Variants in COL27A1 observed in about 807,000 individuals in gnomAD.
COL27A1 encodes collagen alpha-1(XXVII) chain.
Under a neutral mutation model 251.3 loss-of-function variants are expected in COL27A1, and 106 were observed. That is an observed-to-expected ratio of 0.42 (90% CI 0.36 to 0.50). COL27A1 has a LOEUF of 0.50. Ranked by LOEUF, COL27A1 falls within the 20% of genes least tolerant of loss-of-function variation. The pLI is 0.00. For synonymous variants in COL27A1, 1,000 were observed against 986.3 expected, an observed-to-expected ratio of 1.01 and a Z score of -0.26; for missense variants, 2,325 against 2,522.8, an observed-to-expected ratio of 0.92 and a Z score of 1.68.
At chr9:114,179,832 CTTTTTT>C (rs139712391) in intron 4 of COL27A1, among the ~76,000 whole-genome samples, 26 of 100,182 alleles carry the variant, frequency 2.6e-4, no homozygotes, top group Non-Finnish European at 3.9e-4. Flanking sequence ...AGCCTACCAT[CTTTTTT>C]TTTTTTTTTT....
chr9:114,168,669 C>T lies in COL27A1; in HGVS notation c.1114C>T (p.Pro372Ser). ...AATCCCCAAAAGCCTCCCTACCAAG[C>T]CTTCGGCCCCTTCTACTTCAATTGT... ...TKIPKSLPTK[P>S]SAPSTSIVPI... The change falls in exon 3 of 61, where the codon CCT becomes TCT. Residue 372 changes from proline to serine, a missense_variant. Pro to Ser is a moderately conservative substitution (Grantham distance 74). Transcript: ENST00000356083. The T allele has an allele frequency of 3.1e-6, 5 of 1,614,176 alleles. No individual in the cohort carries two copies. The South Asian group carries it at 4.4e-5, about 14-fold the overall frequency.
chr9:114,163,865 G>C (rs933177822), intron 2 of COL27A1, among the ~76,000 whole-genome samples: 31 of 148,604 alleles, frequency 2.1e-4, no homozygotes, highest in Non-Finnish European at 4.2e-4. Flanking sequence ...GGCGGGGGGC[G>C]GGGGGAGAGG....
At chr9:114,310,475 G>A in intron 60 of COL27A1, 74 bp from the exon 61 acceptor site, 1 of 1,541,686 alleles carries the variant, frequency 6.5e-7, no homozygotes, top group Admixed American at 1.7e-5. Context: ...GAGGAAAGAT[G>A]GAAGGGAAAA....
intron 24 of COL27A1, among the ~76,000 whole-genome samples, chr9:114,249,772 C>T (rs1833397156): frequency 6.6e-6 from 1 of 152,212 alleles, no homozygotes; most frequent in Admixed American, 6.5e-5. Flanking sequence ...ACTCATCCCT[C>T]CATCTTTCCT....
chr9:114,296,531 A>C (rs1043418091), intron 49 of COL27A1, among the ~76,000 whole-genome samples: 17 of 152,256 alleles, frequency 1.1e-4, no homozygotes, highest in African/African-American at 3.4e-4. Context: ...AAAATAGTGA[A>C]GAGTTTTAAA....
At chr9:114,308,160 C>T (rs760180455) in intron 59 of COL27A1, among the ~76,000 whole-genome samples, 4 of 152,224 alleles carry the variant, frequency 2.6e-5, no homozygotes, top group Non-Finnish European at 5.9e-5. Context: ...TATGCGAATA[C>T]TTAACTCATG....
intron 27 of COL27A1, among the ~76,000 whole-genome samples, chr9:114,255,107 G>T (rs973055022): frequency 6.6e-6 from 1 of 152,192 alleles, no homozygotes; most frequent in Non-Finnish European, 1.5e-5. Context: ...CAGCACTCTG[G>T]GCTCCCAGTG....
At chr9:114,301,493 CGGGGCGT>C in intron 54 of COL27A1, 31 bp downstream of exon 54, 1 of 501,062 alleles carries the variant, frequency 2.0e-6, no homozygotes. Flanking sequence ...GGCTGTGGGG[CGGGGCGT>C]GGGGCGGGCA....
intron 17 of COL27A1, among the ~76,000 whole-genome samples, chr9:114,236,509 C>T (rs1249718): frequency 0.67 from 101,987 of 152,078 alleles, 35,268 homozygotes; most frequent in South Asian, 0.84. Flanking sequence ...TGCCTGTGTC[C>T]GGCATCATGT....
Position 114,228,692 on chromosome 9 carries a change from T to C in COL27A1, c.2467-2387T>C, listed in dbSNP as rs75331572. On this transcript the variant is annotated intron_variant, in intron 14 of 60. Coordinates refer to ENST00000356083, the MANE Select transcript of COL27A1 (RefSeq NM_032888.4). ...TTCATGGGCTGTGGTGAGGAATTAC[T>C]GGGTTAAAGCACGTCAAGTGCTTAG... 1.2e-4 allele frequency among the ~76,000 whole-genome samples: 18 copies of C among 152,378 alleles called. No individual in the cohort carries two copies. In the East Asian group the frequency reaches 3.3e-3, roughly 28 times the overall value.
chr9:114,161,783 A>T (rs985495699), intron 1 of COL27A1, among the ~76,000 whole-genome samples: 2 of 152,196 alleles, frequency 1.3e-5, no homozygotes, highest in African/African-American at 2.4e-5. Flanking sequence ...TCCCACAGGA[A>T]GGTGAAATTG....
At chr9:114,207,239 T>C (rs1418766313) in intron 10 of COL27A1, among the ~76,000 whole-genome samples, 1 of 152,162 alleles carries the variant, frequency 6.6e-6, no homozygotes, top group African/African-American at 2.4e-5. Context: ...ACAGAACAGT[T>C]GCAGTCTCAG....
rs1460065174 is a variant in COL27A1, at chr9:114,243,517, G to T, written c.2891G>T (p.Gly964Val). The change falls in exon 23 of 61, where the codon GGC becomes GTC. Residue 964 changes from glycine (G) to valine (V), a missense_variant. By Grantham distance (109) the Gly-to-Val change is moderately radical. Transcript: ENST00000356083. ...PGAPGLEGQP[G>V]RKGFPGRPGL... ...GTCTCTCTGTTGCAGGGTCAGCCTG[G>T]CAGGAAGGGGTTTCCTGGGAGGCCC... 2 of 1,613,816 alleles carry T rather than the reference G, an allele frequency of 1.2e-6. No individual in the cohort carries two copies. The highest frequency in any genetic ancestry group is 1.7e-6 in the Non-Finnish European group (2 of 1,179,900).
chr9:114,239,127 C>A (rs1832588775), intron 19 of COL27A1, among the ~76,000 whole-genome samples: 1 of 152,248 alleles, frequency 6.6e-6, no homozygotes, highest in Non-Finnish European at 1.5e-5. Flanking sequence ...CGTCAGCACC[C>A]TGCCTGCTTC....
intron 2 of COL27A1, among the ~76,000 whole-genome samples, chr9:114,165,184 G>A (rs901676447): frequency 1.3e-5 from 2 of 152,142 alleles, no homozygotes; most frequent in African/African-American, 4.8e-5. Flanking sequence ...GGTCTTCTCA[G>A]GCTCTAAATT....
chr9:114,264,096 G>A (rs1206442825), intron 28 of COL27A1, among the ~76,000 whole-genome samples: 1 of 152,202 alleles, frequency 6.6e-6, no homozygotes, highest in Non-Finnish European at 1.5e-5. Context: ...CTCTGAACAG[G>A]GCCATTAGTG....
At chr9:114,258,353 G>A (rs1002834728) in intron 27 of COL27A1, among the ~76,000 whole-genome samples, 188 bp from the exon 28 acceptor site, 25 of 152,220 alleles carry the variant, frequency 1.6e-4, no homozygotes, top group African/African-American at 6.0e-4. Flanking sequence ...GCTGTGGCTC[G>A]CCTGCTGCTT....
chr9:114,277,035 C>T (rs563946618), intron 37 of COL27A1, among the ~76,000 whole-genome samples: 1 of 152,318 alleles, frequency 6.6e-6, no homozygotes, highest in East Asian at 1.9e-4. Context: ...ACGCATACTG[C>T]CCCTGTGCTC....
intron 27 of COL27A1, among the ~76,000 whole-genome samples, chr9:114,258,152 A>G: frequency 6.6e-6 from 1 of 152,240 alleles, no homozygotes; most frequent in Non-Finnish European, 1.5e-5. Flanking sequence ...ACTCCAGCCC[A>G]GGCCACAGAG....
Sources: allele counts gnomAD v4.1 joint callset (sites outside exome capture counted in the v4.1 genomes callset), GRCh38; gene constraint gnomAD v4.1.1; transcripts MANE v1.5; gene names NCBI Gene and HGNC (gene_info 2026-07-23, HGNC 2026-07-21).